ST6GALNAC3: variants seen among roughly 807,000 people sequenced by gnomAD.
ST6GALNAC3 encodes the protein alpha-N-acetylgalactosaminide alpha-2,6-sialyltransferase 3.
Under a neutral mutation model 32.7 loss-of-function variants are expected in ST6GALNAC3, and 25 were observed. The observed-to-expected ratio is 0.76, with a 90% CI of 0.56 to 1.07. The LOEUF (loss-of-function observed/expected upper bound fraction) is 1.07, where lower values mean the gene tolerates loss of function less well. Among genes scored for constraint, ST6GALNAC3 ranks in the 50% least tolerant of loss-of-function variants. ST6GALNAC3 has a pLI of 0.00. For missense variants in ST6GALNAC3, 355 were observed against 382.4 expected, an observed-to-expected ratio of 0.93 and a Z score of 0.60; for synonymous variants, 129 against 133.1, an observed-to-expected ratio of 0.97 and a Z score of 0.21.
chr1:76,179,015 G>C (rs546170999), intron 1 of ST6GALNAC3, among the ~76,000 whole-genome samples: 10 of 152,166 alleles, frequency 6.6e-5, no homozygotes, highest in African/African-American at 1.9e-4. Flanking sequence ...TCCATTCCCT[G>C]CTCGGCTCAG....
At chr1:76,592,516 C>A (rs570397886) in intron 3 of ST6GALNAC3, among the ~76,000 whole-genome samples, 2 of 152,184 alleles carry the variant, frequency 1.3e-5, no homozygotes, top group East Asian at 3.9e-4. Flanking sequence ...GATGGAGAGA[C>A]CACTGGGCGT....
intron 3 of ST6GALNAC3, among the ~76,000 whole-genome samples, chr1:76,559,817 A>T (rs393296): frequency 6.6e-6 from 1 of 152,002 alleles, no homozygotes; most frequent in Non-Finnish European, 1.5e-5. Context: ...CATGCCCCAG[A>T]GGTGACAGCA....
chr1:76,272,637 A>C (rs1432809467), intron 1 of ST6GALNAC3, among the ~76,000 whole-genome samples: 1 of 152,052 alleles, frequency 6.6e-6, no homozygotes, highest in Non-Finnish European at 1.5e-5. Context: ...TTATTTTCCC[A>C]CTGGTGTAGC....
rs1655683919 is a variant in ST6GALNAC3, at chr1:76,430,601, C to T, written c.623+18184C>T. Among the ~76,000 whole-genome samples the T allele has an allele frequency of 3.3e-5, 5 of 152,112 alleles. No individual in the cohort carries two copies. The South Asian group carries it at 1.0e-3, about 32-fold the overall frequency. ...TTTCCATGCAGCTCTCTCTAACAGC[C>T]CCATTTATCCCTCCCTCCTACGAAT... On this transcript the variant is annotated intron_variant, in intron 3 of 4. Transcript: ENST00000328299.
chr1:76,463,887 A>C (rs1658451343), intron 3 of ST6GALNAC3, among the ~76,000 whole-genome samples: 1 of 152,124 alleles, frequency 6.6e-6, no homozygotes, highest in Non-Finnish European at 1.5e-5. Context: ...AGAGGGAAGG[A>C]GAATGGAGAG....
intron 1 of ST6GALNAC3, among the ~76,000 whole-genome samples, chr1:76,241,475 AACTC>A (rs920810193): frequency 2.6e-5 from 4 of 152,112 alleles, no homozygotes; most frequent in African/African-American, 9.7e-5. Flanking sequence ...AAACAGTGAG[AACTC>A]ACTCACCCTT....
At chr1:76,278,048 A>G (rs1659270856) in intron 1 of ST6GALNAC3, among the ~76,000 whole-genome samples, 1 of 152,088 alleles carries the variant, frequency 6.6e-6, no homozygotes, top group Admixed American at 6.6e-5. Context: ...TATTTTTATG[A>G]AATTTCATTA....
In ST6GALNAC3 at chr1:76,634,015, G is replaced by C. The variant is rs1374698117; in HGVS notation, c.*5209G>C. ...AGAACTGTCCTTGGGCGTTGTAACA[G>C]TGCAGAAAATCTCATTTAGTTTTTT... On this transcript the variant is annotated 3_prime_UTR_variant, in exon 5 of 5. Transcript: ENST00000328299. The C allele has an allele frequency of 3.7e-6, 1 of 272,168 alleles. No homozygotes were observed. The highest frequency in any genetic ancestry group is 5.6e-6 in the Non-Finnish European group (1 of 178,386). The allele number at this position is 272,168 out of a possible 1,614,324, so 16.9% of individuals were successfully genotyped here.
At chr1:76,080,672 C>T (rs552316573) in intron 1 of ST6GALNAC3, among the ~76,000 whole-genome samples, 2 of 149,634 alleles carry the variant, frequency 1.3e-5, no homozygotes, top group Admixed American at 6.6e-5. Flanking sequence ...ACACCCACAA[C>T]CAAATGATTG....
At chr1:76,486,432 G>A (rs1044114809) in intron 3 of ST6GALNAC3, among the ~76,000 whole-genome samples, 9 of 152,146 alleles carry the variant, frequency 5.9e-5, no homozygotes, top group Non-Finnish European at 1.0e-4. Context: ...TATATATTTA[G>A]GATAGTTAGC....
At chr1:76,289,758 T>G (rs916860160) in intron 1 of ST6GALNAC3, among the ~76,000 whole-genome samples, 1 of 152,250 alleles carries the variant, frequency 6.6e-6, no homozygotes, top group African/African-American at 2.4e-5. Context: ...AACAGGCTTT[T>G]TACCTAGGGC....
rs568548603 is a variant in ST6GALNAC3, at chr1:76,210,389, T to C, written c.19-103416T>C. On this transcript the variant is annotated intron_variant, in intron 1 of 4. Coordinates refer to ENST00000328299, the MANE Select transcript of ST6GALNAC3 (RefSeq NM_152996.4). The stretch of plus-strand genomic sequence containing the variant: ...ATGCTGAAGTTATAGTACATTTCTA[T>C]TTAGCAGGTGTTTCCTGTGGTTGCC... 2.0e-5 allele frequency among the ~76,000 whole-genome samples: 3 copies of C among 152,332 alleles called. No individual in the cohort carries two copies. In the South Asian group the frequency reaches 6.2e-4, roughly 32 times the overall value.
At chr1:76,266,394 T>A (rs2100742794) in intron 1 of ST6GALNAC3, among the ~76,000 whole-genome samples, 1 of 152,270 alleles carries the variant, frequency 6.6e-6, no homozygotes, top group Admixed American at 6.5e-5. Flanking sequence ...AGGTGTTGGG[T>A]CTCAAAGGGA....
At chr1:76,089,731 C>A (rs1647017572) in intron 1 of ST6GALNAC3, among the ~76,000 whole-genome samples, 2 of 152,158 alleles carry the variant, frequency 1.3e-5, no homozygotes, top group Non-Finnish European at 2.9e-5. Context: ...ATTCGGTTGA[C>A]AGTATTGCCC....
intron 1 of ST6GALNAC3, among the ~76,000 whole-genome samples, chr1:76,197,197 G>T (rs1654253473): frequency 6.6e-6 from 1 of 152,194 alleles, no homozygotes; most frequent in Non-Finnish European, 1.5e-5. Context: ...TAGACTAGTT[G>T]TTAAGATTGC....
At chr1:76,418,769 A>G (rs1242976932) in intron 3 of ST6GALNAC3, among the ~76,000 whole-genome samples, 1 of 152,082 alleles carries the variant, frequency 6.6e-6, no homozygotes, top group Non-Finnish European at 1.5e-5. Flanking sequence ...GGGCAGATCC[A>G]TAGGACTCCT....
intron 2 of ST6GALNAC3, among the ~76,000 whole-genome samples, chr1:76,344,588 A>G (rs1196880604): frequency 2.0e-5 from 3 of 152,182 alleles, no homozygotes; most frequent in Non-Finnish European, 4.4e-5. Context: ...TAACCGGCAC[A>G]TAGTAGATAC....
chr1:76,324,177 T>C (rs1045250836), intron 2 of ST6GALNAC3, among the ~76,000 whole-genome samples: 1 of 152,196 alleles, frequency 6.6e-6, no homozygotes, highest in Non-Finnish European at 1.5e-5. Flanking sequence ...TTTTAAGCAA[T>C]GTATATCTGT....
chr1:76,104,788 G>A (rs563938723), intron 1 of ST6GALNAC3, among the ~76,000 whole-genome samples: 4 of 152,218 alleles, frequency 2.6e-5, no homozygotes, highest in African/African-American at 4.8e-5. Flanking sequence ...AGTTCCACAG[G>A]GCTGGGGAGG....
Sources: gnomAD v4.1 joint callset for allele counts (sites outside exome capture counted in the v4.1 genomes callset) on GRCh38, gnomAD v4.1.1 for gene constraint, MANE v1.5 for transcripts, NCBI Gene and HGNC (gene_info 2026-07-23, HGNC 2026-07-21) for gene names.